COL6A2: variants seen among roughly 807,000 people sequenced by gnomAD.
The protein encoded by COL6A2 is collagen type VI alpha 2 chain.
In COL6A2, 90 loss-of-function variants were observed where a neutral mutation model predicts 124.9. That is an observed-to-expected ratio of 0.72 (90% confidence interval 0.61 to 0.86). The LOEUF (loss-of-function observed/expected upper bound fraction) is 0.86, where lower values mean the gene tolerates loss of function less well. Ranked by LOEUF, COL6A2 falls within the 40% of genes least tolerant of loss-of-function variation. COL6A2 has a pLI of 0.00. For synonymous variants in COL6A2, 793 were observed against 618.2 expected (o/e 1.28, Z -4.19); for missense variants, 1,607 against 1,502.5 (o/e 1.07, Z -1.15).
chr21:46,118,929 C>T (rs374819400), intron 13 of COL6A2, 101 bp from the exon 14 acceptor site: 74 of 1,062,250 alleles, frequency 7.0e-5, no homozygotes, highest in Non-Finnish European at 8.5e-5. Context: ...AAGCAGATTC[C>T]GCTGGAAGAT....
At chr21:46,124,514 T>C (rs2078628323) in intron 21 of COL6A2, 137 bp from the exon 22 acceptor site, 1 of 750,208 alleles carries the variant, frequency 1.3e-6, no homozygotes, top group Non-Finnish European at 2.3e-6. Context: ...GGCACAGCCT[T>C]GTCTTACTCC....
At position 46,132,628 on chromosome 21, in the gene COL6A2, A is replaced by C. The variant is rs2078778317; in HGVS notation, c.*76A>C. The C allele has an allele frequency of 1.0e-5, 14 of 1,375,470 alleles. No homozygotes were observed. In the South Asian group the frequency reaches 1.5e-4, roughly 15 times the overall value. 85.2% of individuals were successfully genotyped at this position (1,375,470 alleles called of 1,614,324 possible). A position where few individuals can be genotyped will look rare whatever the true frequency, so the allele number is the denominator to read the frequency against. ...GGTGCTAAGCGGGCCCGGGTCCCACACGGCCAGCACCGCTGCTCACTCGGA... is the reference window on the plus strand; with the variant it reads ...GGTGCTAAGCGGGCCCGGGTCCCACCCGGCCAGCACCGCTGCTCACTCGGA... On this transcript the variant is annotated 3_prime_UTR_variant, in exon 28 of 28. Transcript: ENST00000300527.
chr21:46,113,771 T>TA (rs2078435375), intron 4 of COL6A2: 1 of 589,912 alleles, frequency 1.7e-6, no homozygotes, highest in South Asian at 2.0e-5. Flanking sequence ...CTTGGTTTTT[T>TA]AAACTTGCCT....
At chr21:46,129,357 G>C in intron 27 of COL6A2, 1 of 1,612,928 alleles carries the variant, frequency 6.2e-7, no homozygotes, top group Non-Finnish European at 8.5e-7. Context: ...GGCCGTGCTG[G>C]TCTACACCGC....
chr21:46,132,735 A>G lies in COL6A2; in HGVS notation c.*183A>G, dbSNP rs986273264. On this transcript the variant is annotated 3_prime_UTR_variant, in exon 28 of 28. Transcript: ENST00000300527. Reference sequence around the variant, plus strand: ...CCCCCGCCCAGCCCCAGGTCTCCCCAGGCCCTCCGCAGGCTGCCCGGCCTC... The same window carrying G: ...CCCCCGCCCAGCCCCAGGTCTCCCCGGGCCCTCCGCAGGCTGCCCGGCCTC... 66 of 620,400 alleles carry G rather than the reference A, an allele frequency of 1.1e-4. No homozygotes were observed. The highest frequency in any genetic ancestry group is 1.6e-4 in the Non-Finnish European group (58 of 365,290). 38.4% of individuals were successfully genotyped at this position (620,400 alleles called of 1,614,324 possible).
intron 1 of COL6A2, among the ~76,000 whole-genome samples, chr21:46,099,601 G>A (rs923234119): frequency 6.6e-6 from 1 of 151,938 alleles, no homozygotes; most frequent in African/African-American, 2.4e-5. Context: ...GGGCTCACCC[G>A]CCACAAGCAG....
At chr21:46,121,457 G>C in intron 17 of COL6A2, 99 bp from the exon 18 acceptor site, 2 of 1,173,250 alleles carry the variant, frequency 1.7e-6, no homozygotes. Context: ...CTGCGGCCAT[G>C]TGGCCTGGTG....
rs764014106 is a variant in COL6A2 at position 46,112,322 on chromosome 21, C to T, written c.459C>T (p.Thr153=). The T allele has an allele frequency of 1.1e-5, 18 of 1,611,552 alleles. No homozygotes were observed. Among genetic ancestry groups the T allele is most frequent in the East Asian group, 2.2e-5 (1 of 44,830 alleles). The change falls in exon 3 of 28, where the codon ACC becomes ACT. Residue 153 remains threonine (T), a synonymous_variant. Coordinates refer to ENST00000300527, the MANE Select transcript of COL6A2 (RefSeq NM_001849.4). ...TCCGGCAGGACCGCAGCAAGGGCAC[C>T]GTCCACTTCGCCGTGGTCATCACCG... The part of the protein sequence containing the change: ...EQIRQDRSKG[T]VHFAVVITDG...
At chr21:46,100,796 C>T (rs1412481927) in intron 1 of COL6A2, among the ~76,000 whole-genome samples, 3 of 152,350 alleles carry the variant, frequency 2.0e-5, no homozygotes, top group Non-Finnish European at 2.9e-5. Flanking sequence ...TTTACCCATT[C>T]GTCTGTTGCT....
rs183132351 is a variant in COL6A2 at position 46,098,635 on chromosome 21, G to A, written c.-28+462G>A. On this transcript the variant is annotated intron_variant, in intron 1 of 27. Coordinates refer to ENST00000300527, the MANE Select transcript of COL6A2 (RefSeq NM_001849.4). ...GGGGCGCAGGGCCTCTCCCCGGGCC[G>A]GACGGAAGGGGCGGCGGGGCGGGGG... 6.2e-3 allele frequency among the ~76,000 whole-genome samples: 942 copies of A among 151,840 alleles called. 11 individuals carry two copies. Among genetic ancestry groups the A allele is most frequent in the African/African-American group, 0.02 (848 of 41,464 alleles).
chr21:46,117,561 GC>G, intron 11 of COL6A2, 108 bp downstream of exon 11: 1 of 1,127,404 alleles, frequency 8.9e-7, no homozygotes, highest in Non-Finnish European at 1.3e-6. Flanking sequence ...TCTCCCGGCA[GC>G]CCAGCAGCCC....
chr21:46,131,859 C>G, intron 27 of COL6A2, 95 bp from the exon 28 acceptor site: 1 of 1,180,454 alleles, frequency 8.5e-7, no homozygotes, highest in South Asian at 1.3e-5. Context: ...AGGTTGCAGG[C>G]AGGGTGCGAA....
At chr21:46,125,164 A>C (rs1601247614) in intron 23 of COL6A2, 102 bp from the exon 24 acceptor site, 1 of 1,216,488 alleles carries the variant, frequency 8.2e-7, no homozygotes, top group East Asian at 2.3e-5. Flanking sequence ...GGCTGCCTCC[A>C]CACGTGGGCT....
intron 1 of COL6A2, among the ~76,000 whole-genome samples, chr21:46,110,406 T>C (rs2078382648): frequency 6.6e-6 from 1 of 152,244 alleles, no homozygotes; most frequent in Non-Finnish European, 1.5e-5. Context: ...AAAAAGTTTA[T>C]CTTTTTATGT....
At chr21:46,101,787 T>G (rs2078289327) in intron 1 of COL6A2, among the ~76,000 whole-genome samples, 1 of 152,018 alleles carries the variant, frequency 6.6e-6, no homozygotes, top group African/African-American at 2.4e-5. Context: ...GACTGCAGCT[T>G]TGTAGTAAGT....
At chr21:46,114,722 G>A (rs568545704) in intron 5 of COL6A2, among the ~76,000 whole-genome samples, 72 of 152,292 alleles carry the variant, frequency 4.7e-4, no homozygotes, top group Admixed American at 2.5e-3. Context: ...AGCCTGGTTT[G>A]AATGTCCCCT....
rs1227769153 is a variant in COL6A2, at chr21:46,098,485, G to A, written c.-28+312G>A. Among the ~76,000 whole-genome samples, 4 of 151,808 alleles carry A rather than the reference G, an allele frequency of 2.6e-5. No individual in the cohort carries two copies. In the South Asian group the frequency reaches 8.3e-4, roughly 31 times the overall value. ...GGGGTCCCTGTCTGCGCCCGAGCTC[G>A]GTGCTGGGACCCCCGCTCCCGAGAC... On this transcript the variant is annotated intron_variant, in intron 1 of 27. Coordinates refer to ENST00000300527, the MANE Select transcript of COL6A2 (RefSeq NM_001849.4).
intron 1 of COL6A2, among the ~76,000 whole-genome samples, chr21:46,102,471 A>G (rs779709686): frequency 6.6e-6 from 1 of 152,096 alleles, no homozygotes; most frequent in Non-Finnish European, 1.5e-5. Flanking sequence ...TTTATTTCTG[A>G]CCTTAGAGGA....
intron 1 of COL6A2, among the ~76,000 whole-genome samples, chr21:46,108,182 G>C (rs2078356491): frequency 6.6e-6 from 1 of 151,542 alleles, no homozygotes; most frequent in Non-Finnish European, 1.5e-5. Flanking sequence ...AATAAGGACA[G>C]TTTTGTCTCT....
Sources: allele counts gnomAD v4.1 joint callset (sites outside exome capture counted in the v4.1 genomes callset), GRCh38; gene constraint gnomAD v4.1.1; transcripts MANE v1.5; gene names NCBI Gene and HGNC (gene_info 2026-07-23, HGNC 2026-07-21).